ATP6V0D2: variants seen among roughly 807,000 people sequenced by gnomAD.
ATP6V0D2 encodes V-type proton ATPase subunit d 2.
A neutral mutation model predicts 40.0 loss-of-function variants in ATP6V0D2; 40 were observed. The observed-to-expected ratio is 1.00, with a 90% CI of 0.78 to 1.30. The LOEUF (loss-of-function observed/expected upper bound fraction) is 1.30, where lower values mean the gene tolerates loss of function less well. Among genes scored for constraint, ATP6V0D2 ranks in the 50% most tolerant of loss-of-function variants. ATP6V0D2 has a pLI of 0.00. For synonymous variants in ATP6V0D2, 179 were observed against 156.3 expected (o/e 1.15, Z -1.08); for missense variants, 470 against 423.1 (o/e 1.11, Z -0.97).
chr8:86,129,909 C>T (rs1818795719), intron 2 of ATP6V0D2, among the ~76,000 whole-genome samples: 1 of 140,798 alleles, frequency 7.1e-6, no homozygotes, highest in South Asian at 2.3e-4. Context: ...CCCAGGAGGT[C>T]GAGGCTGCAG....
chr8:86,145,285 GA>G (rs1437535320), intron 5 of ATP6V0D2, among the ~76,000 whole-genome samples: 87 of 79,946 alleles, frequency 1.1e-3, no homozygotes, highest in East Asian at 1.9e-3. Context: ...AAGAAAGAAA[GA>G]AAGAAAGAAA....
intron 5 of ATP6V0D2, 40 bp from the exon 6 acceptor site, chr8:86,150,072 C>T: frequency 1.9e-6 from 3 of 1,580,376 alleles, no homozygotes; most frequent in Non-Finnish European, 2.6e-6. Flanking sequence ...TAGCATTTAG[C>T]AGTTTATTAG....
intron 7 of ATP6V0D2, among the ~76,000 whole-genome samples, chr8:86,152,023 C>T (rs1819161651): frequency 6.6e-6 from 1 of 151,682 alleles, no homozygotes; most frequent in South Asian, 2.1e-4. Flanking sequence ...GTTGCTGCAC[C>T]CGTCAACCCA....
chr8:86,123,439 A>C (rs1385193782), intron 2 of ATP6V0D2, among the ~76,000 whole-genome samples: 1 of 152,216 alleles, frequency 6.6e-6, no homozygotes, highest in African/African-American at 2.4e-5. Context: ...TATCTTAGGA[A>C]GATGATTTTG....
intron 2 of ATP6V0D2, among the ~76,000 whole-genome samples, chr8:86,122,270 C>T (rs1403796969): frequency 6.6e-6 from 1 of 152,184 alleles, no homozygotes; most frequent in Non-Finnish European, 1.5e-5. Flanking sequence ...ATCTTCGGTA[C>T]TTAAACAGTA....
At chr8:86,127,208 G>C (rs1424131027) in intron 2 of ATP6V0D2, among the ~76,000 whole-genome samples, 2 of 152,168 alleles carry the variant, frequency 1.3e-5, no homozygotes, top group Admixed American at 1.3e-4. Context: ...GAAATCACGC[G>C]ATATGACAGG....
At chr8:86,133,113 T>G (rs563817136) in intron 2 of ATP6V0D2, among the ~76,000 whole-genome samples, 1 of 152,060 alleles carries the variant, frequency 6.6e-6, no homozygotes, top group African/African-American at 2.4e-5. Flanking sequence ...GAAGACTGAT[T>G]GGCTAAGAAA....
intron 1 of ATP6V0D2, among the ~76,000 whole-genome samples, chr8:86,109,781 G>A (rs575869385): frequency 1.3e-5 from 2 of 152,264 alleles, no homozygotes; most frequent in South Asian, 4.1e-4. Context: ...ATAGGTAATT[G>A]AGCAAATAAA....
At position 86,151,227 on chromosome 8, in the gene ATP6V0D2, G is replaced by A. The variant is rs577630578; in HGVS notation, c.817-239G>A. Among the ~76,000 whole-genome samples, 10 of 151,366 alleles carry A rather than the reference G, an allele frequency of 6.6e-5. No homozygotes were observed. In the South Asian group the frequency reaches 8.4e-4, roughly 13 times the overall value. ...AAAATGAGCTCAAACACTGTATACT[G>A]AGAGTTGAATTGCCTTGTAGCCCTG... On this transcript the variant is annotated intron_variant, in intron 6 of 7. Transcript: ENST00000285393.
intron 1 of ATP6V0D2, among the ~76,000 whole-genome samples, chr8:86,100,250 T>C (rs1053110993): frequency 6.6e-6 from 1 of 152,094 alleles, no homozygotes; most frequent in Non-Finnish European, 1.5e-5. Flanking sequence ...AGATTCCACG[T>C]CTGTAACAGT....
At chr8:86,138,714 T>G (rs1818929091) in intron 2 of ATP6V0D2, among the ~76,000 whole-genome samples, 1 of 152,174 alleles carries the variant, frequency 6.6e-6, no homozygotes, top group Admixed American at 6.5e-5. Flanking sequence ...TAGGCTTCAT[T>G]GCAGTTTCAA....
At chr8:86,133,610 C>T (rs563607021) in intron 2 of ATP6V0D2, among the ~76,000 whole-genome samples, 6 of 151,924 alleles carry the variant, frequency 3.9e-5, no homozygotes, top group East Asian at 1.9e-4. Context: ...CGTGATTCAC[C>T]GCGCCTGGCC....
chr8:86,113,244 T>A (rs1454497415), intron 1 of ATP6V0D2, among the ~76,000 whole-genome samples: 4 of 151,898 alleles, frequency 2.6e-5, no homozygotes, highest in Non-Finnish European at 5.9e-5. Context: ...TTTGGGAGCC[T>A]GAGGTGGACA....
At chr8:86,138,047 T>C (rs2130269053) in intron 2 of ATP6V0D2, among the ~76,000 whole-genome samples, 1 of 152,300 alleles carries the variant, frequency 6.6e-6, no homozygotes, top group Non-Finnish European at 1.5e-5. Context: ...TCCGTTGCCC[T>C]TAACATTCAA....
At chr8:86,119,727 G>A (rs1187644035) in intron 2 of ATP6V0D2, among the ~76,000 whole-genome samples, 2 of 152,058 alleles carry the variant, frequency 1.3e-5, no homozygotes, top group Admixed American at 6.6e-5. Context: ...CAAAGCCCAG[G>A]GTGGAATGCT....
At chr8:86,150,379 C>T (rs1819128557) in intron 6 of ATP6V0D2, 91 bp downstream of exon 6, 2 of 1,241,046 alleles carry the variant, frequency 1.6e-6, no homozygotes, top group East Asian at 2.4e-5. Flanking sequence ...CGCTTATACT[C>T]AAAAGAAGTA....
intron 2 of ATP6V0D2, among the ~76,000 whole-genome samples, chr8:86,120,744 C>G (rs749997648): frequency 6.6e-6 from 1 of 152,034 alleles, no homozygotes; most frequent in African/African-American, 2.4e-5. Flanking sequence ...TTTAAAATTA[C>G]GGAAATGGAG....
intron 2 of ATP6V0D2, among the ~76,000 whole-genome samples, chr8:86,131,331 C>T (rs1320932681): frequency 6.6e-6 from 1 of 152,006 alleles, no homozygotes; most frequent in Non-Finnish European, 1.5e-5. Context: ...TCCCCAGTAG[C>T]TGGGCCTACA....
chr8:86,133,227 C>G (rs548991521), intron 2 of ATP6V0D2, among the ~76,000 whole-genome samples: 2 of 151,610 alleles, frequency 1.3e-5, no homozygotes, highest in South Asian at 4.2e-4. Flanking sequence ...GCCCAGAAAG[C>G]CAATGGGCAC....
Sources: allele counts gnomAD v4.1 joint callset (sites outside exome capture counted in the v4.1 genomes callset), GRCh38; gene constraint gnomAD v4.1.1; transcripts MANE v1.5; gene names NCBI Gene and HGNC (gene_info 2026-07-23, HGNC 2026-07-21).